The following C8A variants were observed in gnomAD, a reference collection of about 807,000 sequenced individuals.
C8A encodes complement C8 alpha chain, also known as complement component C8 alpha chain.
C8A carries 67 observed loss-of-function variants against 65.3 expected under a neutral mutation model. The ratio of observed to expected loss-of-function variants is 1.03; its 90% confidence interval spans 0.84 to 1.26. C8A has a LOEUF of 1.26. Among genes scored for constraint, C8A ranks in the 50% most tolerant of loss-of-function variants. The pLI, the probability that C8A is intolerant of heterozygous loss-of-function variation, is 0.00. For missense variants in C8A, 781 were observed against 723.9 expected (o/e 1.08, Z -0.90); for synonymous variants, 290 against 259.4 (o/e 1.12, Z -1.13).
intron 10 of C8A, among the ~76,000 whole-genome samples, chr1:56,916,046 A>G (rs1164797195): frequency 6.6e-6 from 1 of 152,230 alleles, no homozygotes; most frequent in African/African-American, 2.4e-5. Flanking sequence ...GCATAGAGAC[A>G]GGAAGAAGGG....
chr1:56,912,494 T>C lies in C8A; in HGVS notation c.1472T>C (p.Leu491Pro). ...CTGCGCCGCGCCTTGGACCAGTATC[T>C]GATGGAATTCAATGCCTGCCGATGT... ...QNLRRALDQY[L>P]MEFNACRCGP... The change falls in exon 10 of 11, where the codon CTG (leucine) becomes CCG (proline). Residue 491 changes from leucine (L) to proline (P), a missense_variant. Transcript: ENST00000361249. 6.2e-7 allele frequency: 1 copy of C among 1,614,228 alleles called. No individual in the cohort carries two copies. The highest frequency in any genetic ancestry group is 8.5e-7 in the Non-Finnish European group (1 of 1,180,036).
At chr1:56,889,810 T>C (rs1026155209) in intron 7 of C8A, among the ~76,000 whole-genome samples, 1 of 152,036 alleles carries the variant, frequency 6.6e-6, no homozygotes, top group African/African-American at 2.4e-5. Context: ...GCCCTTTAGA[T>C]CACATGCTTC....
At chr1:56,855,140 G>A (rs537743216) in intron 1 of C8A, among the ~76,000 whole-genome samples, 162 bp downstream of exon 1, 9 of 152,288 alleles carry the variant, frequency 5.9e-5, no homozygotes, top group East Asian at 1.9e-4. Context: ...TGAAAAGACC[G>A]TGCACTTGGA....
At chr1:56,880,195 A>G (rs1644236745) in intron 4 of C8A, among the ~76,000 whole-genome samples, 1 of 152,154 alleles carries the variant, frequency 6.6e-6, no homozygotes, top group Admixed American at 6.5e-5. Context: ...CCTTTTTAGA[A>G]AATTAAAGCT....
At chr1:56,905,490 C>CT (rs1644457274) in intron 7 of C8A, among the ~76,000 whole-genome samples, 1 of 152,204 alleles carries the variant, frequency 6.6e-6, no homozygotes, top group South Asian at 2.1e-4. Flanking sequence ...AAAGTACTTA[C>CT]TGAACACGGC....
intron 10 of C8A, among the ~76,000 whole-genome samples, chr1:56,917,130 T>C (rs1644558968): frequency 6.6e-6 from 1 of 152,206 alleles, no homozygotes; most frequent in African/African-American, 2.4e-5. Context: ...TTTAATGAGA[T>C]GGGCTCCCAG....
intron 7 of C8A, among the ~76,000 whole-genome samples, chr1:56,903,881 A>G (rs1644444497): frequency 6.6e-6 from 1 of 152,332 alleles, no homozygotes; most frequent in African/African-American, 2.4e-5. Context: ...AGATGATCTC[A>G]ATGTACAGCC....
chr1:56,876,254 T>A (rs1644198282), intron 4 of C8A, 45 bp downstream of exon 4: 1 of 1,611,758 alleles, frequency 6.2e-7, no homozygotes, highest in Non-Finnish European at 8.5e-7. Flanking sequence ...GAATGATTTG[T>A]CTTCAATCGT....
intron 1 of C8A, 81 bp from the exon 2 acceptor site, chr1:56,867,528 T>C (rs1644102300): frequency 1.0e-6 from 1 of 971,732 alleles, no homozygotes; most frequent in African/African-American, 1.6e-5. Flanking sequence ...CATGTTTTAC[T>C]GGAAGGAAAA....
chr1:56,917,786 T>C lies in C8A; in HGVS notation c.*70T>C. 1.9e-6 allele frequency: 3 copies of C among 1,565,402 alleles called. No homozygotes were observed. Among genetic ancestry groups the C allele is most frequent in the Non-Finnish European group, 2.6e-6 (3 of 1,139,674 alleles). On this transcript the variant is annotated 3_prime_UTR_variant, in exon 11 of 11. Coordinates refer to ENST00000361249, the MANE Select transcript of C8A (RefSeq NM_000562.3). ...CCTGCACTGACTATTGGATAAAGAC[T>C]TCTTTCAACTAAGAGAAGATGCAAA...
intron 1 of C8A, among the ~76,000 whole-genome samples, chr1:56,862,476 C>T (rs1490740049): frequency 2.6e-5 from 4 of 152,140 alleles, no homozygotes; most frequent in African/African-American, 9.7e-5. Context: ...TTTTGAATCT[C>T]CAAGAACAAT....
rs747714835 is a variant in C8A, at chr1:56,908,093, C to T, written c.1360C>T (p.Pro454Ser). The T allele has an allele frequency of 1.2e-6, 2 of 1,613,956 alleles. No individual in the cohort carries two copies. The highest frequency in any genetic ancestry group is 2.2e-5 in the South Asian group (2 of 91,074). ...CTGGGGGAGGTCATTAAAGTATAATCCTGTTGTTATCGATTTTGAGGTAAG... is the reference window on the plus strand; with the variant it reads ...CTGGGGGAGGTCATTAAAGTATAATTCTGTTGTTATCGATTTTGAGGTAAG... ...RSWGRSLKYN[P>S]VVIDFEMQPI... The change falls in exon 9 of 11, where the codon CCT becomes TCT. Residue 454 changes from proline (P) to serine (S), a missense_variant. Coordinates refer to ENST00000361249, the MANE Select transcript of C8A (RefSeq NM_000562.3).
In C8A at chr1:56,912,437, G is replaced by A. The variant is rs756855302; in HGVS notation, c.1415G>A (p.Ser472Asn). 3 of 1,614,210 alleles carry A rather than the reference G, an allele frequency of 1.9e-6. No individual in the cohort carries two copies. Among genetic ancestry groups the A allele is most frequent in the African/African-American group, 1.3e-5 (1 of 75,060 alleles). The change falls in exon 10 of 11, where the codon AGC (serine) becomes AAC (asparagine). Residue 472 changes from serine to asparagine, a missense_variant. By Grantham distance (46) the Ser-to-Asn change is conservative (BLOSUM62 1). Transcript: ENST00000361249. ...QPIHEVLRHT[S>N]LGPLEAKRQN... ...ATCCACGAGGTGCTGCGGCACACAA[G>A]CCTGGGGCCTCTGGAGGCCAAGCGC...
Position 56,885,298 on chromosome 1 carries a change from T to TTA in C8A, c.856-621_856-620dup, listed in dbSNP as rs529995665. ...AATATATATTTACATAAATATATAT[T>TTA]TATATATATTTACATAAATATATTT... On this transcript the variant is annotated intron_variant, in intron 6 of 10. Transcript: ENST00000361249. Among the ~76,000 whole-genome samples the TTA allele has an allele frequency of 2.3e-3, 300 of 128,528 alleles. 5 individuals carry two copies. The highest frequency in any genetic ancestry group is 9.8e-3 in the African/African-American group (281 of 28,682). 84.3% of individuals were successfully genotyped at this position (128,528 alleles called of 152,430 possible).
In C8A at chr1:56,873,055, A is replaced by G. The variant is rs146911897; in HGVS notation, c.172-1894A>G. Among the ~76,000 whole-genome samples, 1,158 of 152,268 alleles carry G rather than the reference A, an allele frequency of 7.6e-3. 16 individuals are homozygous for G. The highest frequency in any genetic ancestry group is 0.026 in the African/African-American group (1,086 of 41,564). Reference sequence around the variant, plus strand: ...CAATCTCTTCCTACAGAGTTTACAAATCTCTTACTGCTGTTATTAACTGAA... The same window carrying G: ...CAATCTCTTCCTACAGAGTTTACAAGTCTCTTACTGCTGTTATTAACTGAA... On this transcript the variant is annotated intron_variant, in intron 2 of 10. Transcript: ENST00000361249.
chr1:56,876,009 G>C, intron 3 of C8A, 53 bp from the exon 4 acceptor site: 3 of 1,597,472 alleles, frequency 1.9e-6, no homozygotes, highest in Non-Finnish European at 2.6e-6. Context: ...TTGTGGGTGT[G>C]AGTCTGGAGG....
intron 8 of C8A, among the ~76,000 whole-genome samples, chr1:56,907,595 G>A (rs1644476071): frequency 6.6e-6 from 1 of 152,146 alleles, no homozygotes; most frequent in Non-Finnish European, 1.5e-5. Context: ...TGTACCTATA[G>A]CACCTATAAT....
rs74075643 is a variant in C8A at position 56,897,027 on chromosome 1, G to A, written c.1097-9640G>A. ...ACACAGCTGGTCAGAGGCAGGGCGA[G>A]GTTTGAAACCAGCTTTCTAATTCCA... On this transcript the variant is annotated intron_variant, in intron 7 of 10. Transcript: ENST00000361249. Among the ~76,000 whole-genome samples the A allele has an allele frequency of 5.5e-3, 833 of 152,250 alleles. 9 individuals carry two copies. The highest frequency in any genetic ancestry group is 0.019 in the African/African-American group (805 of 41,564).
chr1:56,911,906 G>A (rs687628), intron 9 of C8A, among the ~76,000 whole-genome samples: 44,989 of 152,096 alleles, frequency 0.3, 7,012 homozygotes, highest in East Asian at 0.46. Flanking sequence ...GTGGTGGAGA[G>A]GGCAGATGAG....
Sources: allele counts gnomAD v4.1 joint callset (sites outside exome capture counted in the v4.1 genomes callset), GRCh38; gene constraint gnomAD v4.1.1; transcripts MANE v1.5; gene names NCBI Gene and HGNC (gene_info 2026-07-23, HGNC 2026-07-21).